Variants in PTPRD observed in about 807,000 individuals in gnomAD.
The protein encoded by PTPRD is protein tyrosine phosphatase receptor type D.
PTPRD carries 34 observed loss-of-function variants against 214.5 expected under a neutral mutation model. The ratio of observed to expected loss-of-function variants is 0.16; its 90% CI spans 0.12 to 0.21. The LOEUF (loss-of-function observed/expected upper bound fraction) is 0.21. Ranked by LOEUF, PTPRD falls within the 10% of genes least tolerant of loss-of-function variation. PTPRD has a pLI of 1.00. For missense variants in PTPRD, 2,545 were observed against 2,398.7 expected, an observed-to-expected ratio of 1.06 and a Z score of -1.27; for synonymous variants, 1,128 against 845.7, an observed-to-expected ratio of 1.33 and a Z score of -5.79.
intron 3 of PTPRD, among the ~76,000 whole-genome samples, chr9:10,268,267 G>A (rs2094203006): frequency 6.7e-6 from 1 of 149,188 alleles, no homozygotes; most frequent in Non-Finnish European, 1.5e-5. Flanking sequence ...ACCAGCCTGG[G>A]CAGCAGAGCA....
At chr9:9,930,564 T>A (rs1489591546) in intron 5 of PTPRD, among the ~76,000 whole-genome samples, 6 of 152,176 alleles carry the variant, frequency 3.9e-5, no homozygotes, top group Non-Finnish European at 8.8e-5. Flanking sequence ...CAGAAGTAAC[T>A]TTGAATATTT....
At chr9:8,428,198 G>T (rs10758973) in intron 35 of PTPRD, among the ~76,000 whole-genome samples, 76,105 of 151,856 alleles carry the variant, frequency 0.5, 19,504 homozygotes, top group East Asian at 0.74. Context: ...TAGAAAGCCC[G>T]GAGTGGCAGG....
intron 7 of PTPRD, among the ~76,000 whole-genome samples, chr9:9,637,737 C>T (rs1593775654): frequency 6.6e-6 from 1 of 152,176 alleles, no homozygotes; most frequent in South Asian, 2.1e-4. Flanking sequence ...GCTCCTTAGG[C>T]ATTGCCCTAT....
Position 10,559,152 on chromosome 9 carries a change from A to G in PTPRD, c.-600+53246T>C, listed in dbSNP as rs548323858. Among the ~76,000 whole-genome samples the G allele has an allele frequency of 2.0e-5, 3 of 152,264 alleles. No individual in the cohort carries two copies. The East Asian group carries it at 5.8e-4, about 29-fold the overall frequency. On this transcript the variant is annotated intron_variant, in intron 2 of 45. Transcript: ENST00000381196. ...GACCTTAAATGCTTCCACTGAAGAG[A>G]AAGATTTCTTAAAAGTTTTAAGAAT... is the stretch of plus-strand genomic sequence containing the variant.
intron 14 of PTPRD, among the ~76,000 whole-genome samples, chr9:8,620,495 G>T (rs77091730): frequency 6.6e-6 from 1 of 151,932 alleles, no homozygotes; most frequent in East Asian, 1.9e-4. Flanking sequence ...TTGATGAAAA[G>T]GTTATTTTGC....
chr9:9,854,409 A>C (rs1429589909), intron 5 of PTPRD, among the ~76,000 whole-genome samples: 1 of 152,128 alleles, frequency 6.6e-6, no homozygotes, highest in Non-Finnish European at 1.5e-5. Flanking sequence ...TGACAGAGTG[A>C]GGGTTGGGAA....
At chr9:10,184,349 C>T (rs1234864465) in intron 3 of PTPRD, among the ~76,000 whole-genome samples, 2 of 151,976 alleles carry the variant, frequency 1.3e-5, no homozygotes, top group Non-Finnish European at 2.9e-5. Flanking sequence ...CACTTGAACC[C>T]GGGAGGCAGA....
intron 9 of PTPRD, among the ~76,000 whole-genome samples, chr9:9,266,434 G>C (rs1414726963): frequency 6.6e-6 from 1 of 151,138 alleles, no homozygotes; most frequent in Non-Finnish European, 1.5e-5. Context: ...TCACCCAACA[G>C]TAGCAGAATA....
intron 2 of PTPRD, among the ~76,000 whole-genome samples, chr9:10,448,782 C>T (rs12340478): frequency 0.025 from 3,788 of 152,050 alleles, 167 homozygotes; most frequent in African/African-American, 0.076. Context: ...CTCTGTCCAA[C>T]GCATCAAATC....
chr9:9,576,447 G>A (rs2088833728), intron 7 of PTPRD, among the ~76,000 whole-genome samples: 1 of 152,050 alleles, frequency 6.6e-6, no homozygotes, highest in South Asian at 2.1e-4. Flanking sequence ...AACCCTCCAG[G>A]AGCAAGGATA....
At chr9:10,235,832 C>T (rs1268910136) in intron 3 of PTPRD, among the ~76,000 whole-genome samples, 1 of 151,908 alleles carries the variant, frequency 6.6e-6, no homozygotes, top group East Asian at 1.9e-4. Context: ...CCACTTAAAA[C>T]ATAACTTGGG....
At chr9:8,663,674 A>G (rs936066248) in intron 12 of PTPRD, among the ~76,000 whole-genome samples, 1 of 152,044 alleles carries the variant, frequency 6.6e-6, no homozygotes, top group African/African-American at 2.4e-5. Context: ...GTATTTTATT[A>G]GAGATGGAGT....
chr9:10,607,079 A>G (rs981213209), intron 2 of PTPRD, among the ~76,000 whole-genome samples: 4 of 151,884 alleles, frequency 2.6e-5, no homozygotes, highest in Non-Finnish European at 4.4e-5. Flanking sequence ...AATTTAAGCT[A>G]TCTCTGATCT....
chr9:8,753,727 A>G (rs1325958683), intron 11 of PTPRD, among the ~76,000 whole-genome samples: 1 of 152,256 alleles, frequency 6.6e-6, no homozygotes, highest in Non-Finnish European at 1.5e-5. Context: ...CATCAAAAAT[A>G]TAAAACACTA....
chr9:9,848,544 G>T (rs575845451), intron 5 of PTPRD, among the ~76,000 whole-genome samples: 2 of 152,058 alleles, frequency 1.3e-5, no homozygotes, highest in Admixed American at 6.6e-5. Flanking sequence ...AAGAATTGAA[G>T]ACCTTGTCCA....
At chr9:9,991,083 C>T in intron 4 of PTPRD, among the ~76,000 whole-genome samples, 1 of 150,592 alleles carries the variant, frequency 6.6e-6, no homozygotes, top group Non-Finnish European at 1.5e-5. Flanking sequence ...TACAGGCACC[C>T]ACCACCACAC....
At chr9:9,422,195 T>A (rs1377787330) in intron 8 of PTPRD, among the ~76,000 whole-genome samples, 2 of 152,136 alleles carry the variant, frequency 1.3e-5, no homozygotes, top group African/African-American at 4.8e-5. Context: ...TTATTATCTT[T>A]ATTTTAAAGA....
At chr9:10,195,750 TGGA>T (rs2099395597) in intron 3 of PTPRD, among the ~76,000 whole-genome samples, 1 of 151,640 alleles carries the variant, frequency 6.6e-6, no homozygotes, top group African/African-American at 2.4e-5. Flanking sequence ...TGGGGAAGGG[TGGA>T]GGAGATGAAG....
At chr9:10,468,438 G>A (rs1442519941) in intron 2 of PTPRD, among the ~76,000 whole-genome samples, 1 of 152,114 alleles carries the variant, frequency 6.6e-6, no homozygotes, top group African/African-American at 2.4e-5. Context: ...CTCATAAGAG[G>A]GAGGTGAACA....
Sources: gnomAD v4.1 joint callset for allele counts (sites outside exome capture counted in the v4.1 genomes callset) on GRCh38, gnomAD v4.1.1 for gene constraint, MANE v1.5 for transcripts, NCBI Gene and HGNC (gene_info 2026-07-23, HGNC 2026-07-21) for gene names.